The following ATXN8OS variants were observed in gnomAD, a reference collection of about 807,000 sequenced individuals.
ATXN8OS encodes the protein ATXN8 opposite strand lncRNA.
chr13:70,165,898 C>T (rs866315816), intron 4 of ATXN8OS, among the ~76,000 whole-genome samples: 2 of 152,010 alleles, frequency 1.3e-5, no homozygotes, highest in South Asian at 4.1e-4. Flanking sequence ...ATGGTGTCTG[C>T]AGTAACAGCA....
chr13:70,125,033 C>T (rs1888410862), intron 2 of ATXN8OS, among the ~76,000 whole-genome samples: 1 of 151,456 alleles, frequency 6.6e-6, no homozygotes, highest in South Asian at 2.1e-4. Flanking sequence ...TTAAAAACCG[C>T]ATATATTTTA....
intron 3 of ATXN8OS, among the ~76,000 whole-genome samples, chr13:70,136,624 C>A (rs1443240863): frequency 1.3e-5 from 2 of 151,944 alleles, no homozygotes; most frequent in African/African-American, 4.8e-5. Context: ...AGGAGAACTC[C>A]CTTACAGACC....
intron 3 of ATXN8OS, among the ~76,000 whole-genome samples, chr13:70,133,983 G>C (rs2137485559): frequency 6.6e-6 from 1 of 152,304 alleles, no homozygotes; most frequent in East Asian, 1.9e-4. Context: ...CATTGGCCTA[G>C]TAAATTCCTT....
chr13:70,135,362 T>C (rs540789839), intron 3 of ATXN8OS, among the ~76,000 whole-genome samples: 20 of 152,246 alleles, frequency 1.3e-4, no homozygotes, highest in Non-Finnish European at 2.6e-4. Context: ...TCCTATTTCA[T>C]TGACCACATG....
At chr13:70,152,286 T>A (rs1888877550) in intron 4 of ATXN8OS, among the ~76,000 whole-genome samples, 1 of 152,050 alleles carries the variant, frequency 6.6e-6, no homozygotes, top group Non-Finnish European at 1.5e-5. Flanking sequence ...CCCTATACTT[T>A]GACCTTTTAG....
chr13:70,158,018 A>T (rs1888958029), intron 4 of ATXN8OS, among the ~76,000 whole-genome samples: 1 of 152,208 alleles, frequency 6.6e-6, no homozygotes. Context: ...AGATGCATTC[A>T]TTCAGTAAGA....
intron 3 of ATXN8OS, among the ~76,000 whole-genome samples, chr13:70,135,493 T>C (rs2137486908): frequency 6.6e-6 from 1 of 152,244 alleles, no homozygotes; most frequent in Admixed American, 6.5e-5. Flanking sequence ...TATGGTATAC[T>C]TGGCCATCGT....
intron 4 of ATXN8OS, among the ~76,000 whole-genome samples, chr13:70,166,758 C>G (rs1402066405): frequency 3.3e-5 from 5 of 152,012 alleles, no homozygotes; most frequent in Admixed American, 2.6e-4. Flanking sequence ...GAAAATTTTT[C>G]CAACCTACTC....
chr13:70,107,556 G>T (rs1463553169), upstream of ATXN8OS: 2 of 1,608,430 alleles, frequency 1.2e-6, no homozygotes, highest in Non-Finnish European at 1.7e-6. Context: ...TGGGTCCCCA[G>T]TGCTCAAAGC....
At position 70,110,404 on chromosome 13, in the gene ATXN8OS, A is replaced by G. The variant is rs577519567; in HGVS notation, n.240+2385A>G. On this transcript the variant is annotated intron_variant and non_coding_transcript_variant, in intron 1 of 4. Coordinates refer to ENST00000678624, the Ensembl canonical transcript of ATXN8OS. ...TTCGAATTTAAGAATTAAATTACGC[A>G]TGAAGTTATGTTAAACTGAAATGAC... Among the ~76,000 whole-genome samples the G allele has an allele frequency of 1.5e-4, 23 of 152,266 alleles. No individual in the cohort carries two copies. The South Asian group carries it at 4.8e-3, about 32-fold the overall frequency.
At chr13:70,162,594 A>G (rs1889022757) in intron 4 of ATXN8OS, among the ~76,000 whole-genome samples, 1 of 152,068 alleles carries the variant, frequency 6.6e-6, no homozygotes, top group Admixed American at 6.6e-5. Context: ...ATTCGTTCAT[A>G]CTCACAGAAC....
intron 4 of ATXN8OS, among the ~76,000 whole-genome samples, chr13:70,149,703 C>T (rs1462397055): frequency 6.6e-6 from 1 of 152,062 alleles, no homozygotes; most frequent in Non-Finnish European, 1.5e-5. Context: ...CAACAGCATG[C>T]CATCGGGGAA....
chr13:70,162,779 A>G (rs1593778479), intron 4 of ATXN8OS, among the ~76,000 whole-genome samples: 1 of 152,224 alleles, frequency 6.6e-6, no homozygotes, highest in South Asian at 2.1e-4. Context: ...TCTTATTTTG[A>G]TTAACTGAAT....
At chr13:70,149,013 T>G (rs1383466237) in intron 4 of ATXN8OS, among the ~76,000 whole-genome samples, 1 of 152,172 alleles carries the variant, frequency 6.6e-6, no homozygotes, top group Non-Finnish European at 1.5e-5. Context: ...AACATATTTT[T>G]CTTAGATGCT....
intron 2 of ATXN8OS, among the ~76,000 whole-genome samples, chr13:70,121,389 T>C (rs1888358712): frequency 6.6e-6 from 1 of 152,128 alleles, no homozygotes. Flanking sequence ...TTGATTTTAA[T>C]TCTATCTCCA....
chr13:70,117,752 T>C (rs1378605831), intron 2 of ATXN8OS, among the ~76,000 whole-genome samples: 6 of 152,196 alleles, frequency 3.9e-5, no homozygotes, highest in Admixed American at 3.3e-4. Flanking sequence ...TCAAATAAAA[T>C]AAAACCTGTT....
At chr13:70,166,343 A>G (rs566100882) in intron 4 of ATXN8OS, among the ~76,000 whole-genome samples, 3 of 151,908 alleles carry the variant, frequency 2.0e-5, no homozygotes, top group African/African-American at 4.8e-5. Flanking sequence ...ACAGAACAGA[A>G]CCCTCAGAAA....
chr13:70,146,148 A>C (rs1888783505), intron 3 of ATXN8OS, among the ~76,000 whole-genome samples: 1 of 150,504 alleles, frequency 6.6e-6, no homozygotes, highest in Admixed American at 6.6e-5. Context: ...ATGCAGCCAA[A>C]AAACACATGA....
At chr13:70,155,601 C>G (rs2137501570) in intron 4 of ATXN8OS, among the ~76,000 whole-genome samples, 1 of 152,210 alleles carries the variant, frequency 6.6e-6, no homozygotes, top group South Asian at 2.1e-4. Flanking sequence ...TCTCCATTCC[C>G]AAAAAGAAGA....
Sources: allele counts gnomAD v4.1 joint callset (sites outside exome capture counted in the v4.1 genomes callset), GRCh38; gene constraint gnomAD v4.1.1; transcripts MANE v1.5; gene names NCBI Gene and HGNC (gene_info 2026-07-23, HGNC 2026-07-21).